Variants in ASCC3 observed in about 807,000 individuals in gnomAD.
The protein encoded by ASCC3 is activating signal cointegrator 1 complex subunit 3.
ASCC3 carries 158 observed loss-of-function variants against 256.3 expected under a neutral mutation model. That is an observed-to-expected ratio of 0.62 (90% CI 0.54 to 0.70). The LOEUF (loss-of-function observed/expected upper bound fraction) is 0.70, where lower values mean the gene tolerates loss of function less well. ASCC3 is among the 30% of genes least tolerant of loss of function. The pLI is 0.00. For synonymous variants in ASCC3, 948 were observed against 883.4 expected (o/e 1.07, Z -1.30); for missense variants, 2,259 against 2,626.0 (o/e 0.86, Z 3.05).
intron 24 of ASCC3, 121 bp downstream of exon 24, chr6:100,642,460 G>T (rs1775173436): frequency 9.9e-7 from 1 of 1,009,060 alleles, no homozygotes; most frequent in African/African-American, 1.6e-5. Context: ...TAAAAAGGGA[G>T]TTATAGAGAA....
chr6:100,607,000 T>G lies in ASCC3; in HGVS notation c.4874A>C (p.Glu1625Ala). The G allele has an allele frequency of 6.2e-7, 1 of 1,613,748 alleles. No individual in the cohort carries two copies. Among genetic ancestry groups the G allele is most frequent in the South Asian group, 1.1e-5 (1 of 91,058 alleles). The change falls in exon 31 of 42, where the codon GAG becomes GCG. Residue 1625 changes from glutamate to alanine, a missense_variant. Coordinates refer to ENST00000369162, the MANE Select transcript of ASCC3 (RefSeq NM_006828.4). ...TTCCTCTACTGTTTTTCGGTCCCTC[T>G]CATGTAGTCCAGCATGATGCATTCC... Reference protein sequence around the residue: ...GIGMHHAGLHERDRKTVEELF... With the variant: ...GIGMHHAGLHARDRKTVEELF...
At chr6:100,573,334 C>T (rs567196344) in intron 36 of ASCC3, among the ~76,000 whole-genome samples, 1 of 152,064 alleles carries the variant, frequency 6.6e-6, no homozygotes, top group Non-Finnish European at 1.5e-5. Context: ...CAGTTGTAAT[C>T]ACCATTATTC....
chr6:100,577,665 A>G (rs1354050691), intron 36 of ASCC3, among the ~76,000 whole-genome samples: 2 of 152,044 alleles, frequency 1.3e-5, no homozygotes, highest in African/African-American at 2.4e-5. Flanking sequence ...CAGCAACACC[A>G]AAGTGCAAGT....
intron 15 of ASCC3, 134 bp from the exon 16 acceptor site, chr6:100,662,164 T>G (rs965240496): frequency 7.2e-6 from 8 of 1,109,410 alleles, no homozygotes; most frequent in Non-Finnish European, 6.5e-6. Context: ...TCATCTGTGA[T>G]AGAGTAAAAT....
intron 36 of ASCC3, among the ~76,000 whole-genome samples, chr6:100,582,425 T>C (rs1359490087): frequency 1.8e-4 from 27 of 151,680 alleles, no homozygotes; most frequent in Middle Eastern, 3.4e-3. Flanking sequence ...GTGATTTTTG[T>C]ACATTGATTT....
chr6:100,577,826 G>C (rs1039406111), intron 36 of ASCC3, among the ~76,000 whole-genome samples: 1 of 151,882 alleles, frequency 6.6e-6, no homozygotes, highest in East Asian at 1.9e-4. Context: ...CCCTTAGAAA[G>C]TGCCTTACAC....
intron 14 of ASCC3, among the ~76,000 whole-genome samples, chr6:100,666,860 A>C (rs1423655757): frequency 6.6e-6 from 1 of 152,170 alleles, no homozygotes; most frequent in Non-Finnish European, 1.5e-5. Context: ...CAGACAAAAA[A>C]AAAGCACTGT....
At chr6:100,608,167 C>CATATATATGTAT (rs1411864809) in intron 30 of ASCC3, among the ~76,000 whole-genome samples, 14 of 12,774 alleles carry the variant, frequency 1.1e-3, no homozygotes, top group Admixed American at 2.7e-3. Context: ...TATTTATATA[C>CATATATATGTAT]ATATTTATAT....
At chr6:100,712,434 C>A (rs1260697546) in intron 13 of ASCC3, among the ~76,000 whole-genome samples, 1 of 151,912 alleles carries the variant, frequency 6.6e-6, no homozygotes, top group Non-Finnish European at 1.5e-5. Context: ...GAAAATGAAC[C>A]ACCTGGTTAA....
At chr6:100,802,770 T>C (rs987376216) in intron 5 of ASCC3, among the ~76,000 whole-genome samples, 1 of 151,742 alleles carries the variant, frequency 6.6e-6, no homozygotes, top group Non-Finnish European at 1.5e-5. Context: ...GGGGCTGAGG[T>C]GGGAGGACTG....
intron 1 of ASCC3, among the ~76,000 whole-genome samples, chr6:100,879,707 G>A (rs896952753): frequency 6.6e-6 from 1 of 152,028 alleles, no homozygotes; most frequent in Non-Finnish European, 1.5e-5. Context: ...GTAGAACTGT[G>A]AACTTTATAT....
chr6:100,833,265 G>C (rs1771708696), intron 4 of ASCC3, among the ~76,000 whole-genome samples: 1 of 152,148 alleles, frequency 6.6e-6, no homozygotes, highest in Non-Finnish European at 1.5e-5. Context: ...AATATGGTAA[G>C]AGTAAAAAGA....
intron 14 of ASCC3, among the ~76,000 whole-genome samples, chr6:100,671,281 A>G (rs1029727939): frequency 7.2e-5 from 11 of 152,062 alleles, no homozygotes; most frequent in African/African-American, 2.7e-4. Context: ...TGCTTTCTAA[A>G]GCATCAGAAA....
chr6:100,642,124 T>C (rs1775153130), intron 24 of ASCC3, among the ~76,000 whole-genome samples: 1 of 150,878 alleles, frequency 6.6e-6, no homozygotes, highest in South Asian at 2.1e-4. Context: ...GTAACAAACC[T>C]GCACATTGTG....
At chr6:100,858,942 A>G (rs1171383976) in intron 3 of ASCC3, 9 of 617,028 alleles carry the variant, frequency 1.5e-5, no homozygotes, top group African/African-American at 1.8e-5. Flanking sequence ...TTAATCTACA[A>G]TAGTACTCTC....
intron 25 of ASCC3, among the ~76,000 whole-genome samples, chr6:100,636,859 G>C (rs1275313530): frequency 1.3e-5 from 2 of 152,198 alleles, no homozygotes; most frequent in East Asian, 3.9e-4. Flanking sequence ...ATTCTGTGAA[G>C]GCTGAGAGTG....
intron 37 of ASCC3, 142 bp from the exon 38 acceptor site, chr6:100,518,284 G>A: frequency 1.1e-6 from 1 of 930,868 alleles, no homozygotes; most frequent in Non-Finnish European, 1.7e-6. Context: ...ATAGAAACCA[G>A]AAAATAAATC....
intron 36 of ASCC3, among the ~76,000 whole-genome samples, chr6:100,575,329 CT>C (rs1373369491): frequency 1.3e-5 from 2 of 151,936 alleles, no homozygotes; most frequent in Admixed American, 1.3e-4. Context: ...TTTTTTCAAC[CT>C]TATATGTTTG....
At chr6:100,564,156 T>C (rs1246336061) in intron 36 of ASCC3, among the ~76,000 whole-genome samples, 1 of 152,098 alleles carries the variant, frequency 6.6e-6, no homozygotes, top group East Asian at 1.9e-4. Flanking sequence ...CATGTGTTTT[T>C]TTTTTTAATA....
Sources: allele counts gnomAD v4.1 joint callset (sites outside exome capture counted in the v4.1 genomes callset), GRCh38; gene constraint gnomAD v4.1.1; transcripts MANE v1.5; gene names NCBI Gene and HGNC (gene_info 2026-07-23, HGNC 2026-07-21).